STIM1: variants seen among roughly 807,000 people sequenced by gnomAD.
STIM1 encodes stromal interaction molecule 1.
A neutral mutation model predicts 74.7 loss-of-function variants in STIM1; 25 were observed. That is an observed-to-expected ratio of 0.33 (90% CI 0.24 to 0.47). The LOEUF (loss-of-function observed/expected upper bound fraction) is 0.47, where lower values mean the gene tolerates loss of function less well. STIM1 is among the 20% of genes least tolerant of loss of function. The pLI is 1.00. For missense variants in STIM1, 728 were observed against 920.8 expected (o/e 0.79, Z 2.71); for synonymous variants, 328 against 348.8 (o/e 0.94, Z 0.66).
intron 2 of STIM1, among the ~76,000 whole-genome samples, chr11:3,989,983 CTCAG>C (rs1230156734): frequency 6.6e-6 from 1 of 152,222 alleles, no homozygotes; most frequent in Non-Finnish European, 1.5e-5. Context: ...CAACCATCAC[CTCAG>C]TCAATTAAAA....
intron 3 of STIM1, among the ~76,000 whole-genome samples, chr11:4,030,492 A>G (rs1326622086): frequency 2.6e-5 from 4 of 152,120 alleles, no homozygotes; most frequent in African/African-American, 9.7e-5. Context: ...TTTTACATAA[A>G]CCTAATGAGA....
chr11:3,986,737 A>T (rs2135824552), intron 2 of STIM1, among the ~76,000 whole-genome samples: 1 of 152,326 alleles, frequency 6.6e-6, no homozygotes, highest in East Asian at 1.9e-4. Flanking sequence ...GTAGGGAAGT[A>T]TCTAGAGAAT....
At chr11:3,976,605 T>G (rs957441116) in intron 2 of STIM1, among the ~76,000 whole-genome samples, 2 of 152,222 alleles carry the variant, frequency 1.3e-5, no homozygotes, top group African/African-American at 2.4e-5. Flanking sequence ...CAGTGAATAC[T>G]CGCTACTTTC....
intron 2 of STIM1, among the ~76,000 whole-genome samples, chr11:3,980,155 A>G (rs2093488098): frequency 6.6e-6 from 1 of 152,180 alleles, no homozygotes; most frequent in Non-Finnish European, 1.5e-5. Flanking sequence ...AACTCATCAG[A>G]TTACTTCTAC....
chr11:3,955,915 T>G (rs1267846457), intron 1 of STIM1, among the ~76,000 whole-genome samples: 1 of 151,670 alleles, frequency 6.6e-6, no homozygotes, highest in Non-Finnish European at 1.5e-5. Flanking sequence ...AAATTTTAAT[T>G]AAAAATTTTT....
At chr11:3,920,781 C>A (rs79312669) in intron 1 of STIM1, among the ~76,000 whole-genome samples, 1 of 146,828 alleles carries the variant, frequency 6.8e-6, no homozygotes, top group African/African-American at 2.5e-5. Flanking sequence ...CCTGAAGTAT[C>A]TTTTTTTTTT....
chr11:4,082,308 A>G lies in STIM1; in HGVS notation c.1094A>G (p.Lys365Arg). ...HEVEVQYYNI[K>R]KQNAEKQLLV... ...GTGGAGGTGCAATATTACAACATCA[A>G]GAAGCAAAATGCTGAGAAGCAGCTG... Residue 365 changes from lysine to arginine, a missense_variant, in exon 8 of 13, where the codon AAG becomes AGG. Physicochemically the swap from Lys to Arg is conservative, Grantham distance 26. This residue lies in a region of STIM1 where 131 missense variants were observed against 235.9 expected (regional missense o/e 0.56). Transcript: ENST00000526596. The G allele has an allele frequency of 6.2e-7, 1 of 1,613,782 alleles. No individual in the cohort carries two copies. Among genetic ancestry groups the G allele is most frequent in the Non-Finnish European group, 8.5e-7 (1 of 1,179,994 alleles).
chr11:4,041,537 C>T lies in STIM1; in HGVS notation c.386-13989C>T, dbSNP rs113211550. On this transcript the variant is annotated intron_variant, in intron 3 of 12. Transcript: ENST00000526596. ...GGCACAAAATATTAAGTAATTTGCC[C>T]ATGGTCTTACATCTAGTAAGTGGCA... Among the ~76,000 whole-genome samples, 769 of 151,944 alleles carry T rather than the reference C, an allele frequency of 5.1e-3. 3 individuals are homozygous for T. The highest frequency in any genetic ancestry group is 0.018 in the African/African-American group (738 of 41,434).
intron 1 of STIM1, among the ~76,000 whole-genome samples, chr11:3,857,935 G>A (rs1448709541): frequency 1.3e-5 from 2 of 152,142 alleles, no homozygotes; most frequent in Non-Finnish European, 2.9e-5. Flanking sequence ...TATTAATCCT[G>A]TCTCTCCATA....
At chr11:4,052,046 C>G (rs1266591633) in intron 3 of STIM1, among the ~76,000 whole-genome samples, 2 of 152,180 alleles carry the variant, frequency 1.3e-5, no homozygotes, top group African/African-American at 2.4e-5. Context: ...ATCCAACTTA[C>G]AAGGGATGTG....
chr11:3,863,904 A>G (rs566899075), intron 1 of STIM1, among the ~76,000 whole-genome samples: 39 of 152,278 alleles, frequency 2.6e-4, no homozygotes, highest in African/African-American at 6.5e-4. Flanking sequence ...TTACTAATTT[A>G]TGAGTTAAAC....
At chr11:4,088,334 T>G (rs2094504708) in intron 12 of STIM1, among the ~76,000 whole-genome samples, 1 of 152,176 alleles carries the variant, frequency 6.6e-6, no homozygotes, top group Non-Finnish European at 1.5e-5. Context: ...CTGCTTACTC[T>G]GTTGCTTTTT....
At chr11:3,991,404 C>T (rs2135850455) in intron 2 of STIM1, among the ~76,000 whole-genome samples, 1 of 151,760 alleles carries the variant, frequency 6.6e-6, no homozygotes, top group Admixed American at 6.6e-5. Context: ...CTCCTGGGCT[C>T]AAGCTCTCCT....
At chr11:3,901,157 G>T (rs2092338651) in intron 1 of STIM1, among the ~76,000 whole-genome samples, 1 of 152,040 alleles carries the variant, frequency 6.6e-6, no homozygotes, top group Non-Finnish European at 1.5e-5. Flanking sequence ...CTCCAGCCTG[G>T]GCGACAGAGA....
chr11:4,045,728 A>G (rs1379785081), intron 3 of STIM1, among the ~76,000 whole-genome samples: 1 of 147,476 alleles, frequency 6.8e-6, no homozygotes, highest in Non-Finnish European at 1.5e-5. Context: ...CTGGGATTAT[A>G]GTCATGAGCC....
At position 3,856,431 on chromosome 11, in the gene STIM1, G is replaced by T. The variant is rs778387177; in HGVS notation, c.139+22G>T. On this transcript the variant is annotated intron_variant, in intron 1 of 12. Transcript: ENST00000526596. Reference sequence around the variant, plus strand: ...GCAGGTAAGGCCTTGCTGCGGGCTGGACTGGGCTGGAGGCTTTGGCTCAGG... The same window carrying T: ...GCAGGTAAGGCCTTGCTGCGGGCTGTACTGGGCTGGAGGCTTTGGCTCAGG... The T allele has an allele frequency of 7.4e-6, 12 of 1,611,590 alleles. No individual in the cohort carries two copies. In the South Asian group the frequency reaches 9.9e-5, roughly 13 times the overall value.
intron 2 of STIM1, among the ~76,000 whole-genome samples, chr11:3,991,174 T>C (rs902894213): frequency 6.7e-6 from 1 of 149,762 alleles, no homozygotes; most frequent in African/African-American, 2.5e-5. Context: ...CCTTTCTTTT[T>C]TTTTTTTTTT....
At chr11:3,863,219 CATGTGTGTGTGTGTGT>C (rs2090701746) in intron 1 of STIM1, among the ~76,000 whole-genome samples, 3 of 103,854 alleles carry the variant, frequency 2.9e-5, no homozygotes, top group African/African-American at 1.2e-4. Context: ...TGAGACAATG[CATGTGTGTGTGTGTGT>C]GTGTGTGTGT....
chr11:4,018,493 A>G (rs1427870723), intron 2 of STIM1, among the ~76,000 whole-genome samples: 4 of 149,780 alleles, frequency 2.7e-5, no homozygotes, highest in African/African-American at 9.8e-5. Context: ...AAAACAAACA[A>G]AATTAGCCAG....
Sources: gnomAD v4.1 joint callset for allele counts (sites outside exome capture counted in the v4.1 genomes callset) on GRCh38, gnomAD v4.1.1 for gene constraint, gnomAD v4.1.1 regional missense constraint, MANE v1.5 for transcripts, NCBI Gene and HGNC (gene_info 2026-07-23, HGNC 2026-07-21) for gene names.